Variants in SYT14 observed in about 807,000 individuals in gnomAD.
The protein encoded by SYT14 is synaptotagmin-14.
SYT14 carries 32 observed loss-of-function variants against 74.2 expected under a neutral mutation model. That is an observed-to-expected ratio of 0.43 (90% confidence interval 0.33 to 0.58). SYT14 has a LOEUF of 0.58. SYT14 is among the 20% of genes least tolerant of loss of function. The pLI, the probability that SYT14 is intolerant of heterozygous loss-of-function variation, is 0.05. For synonymous variants in SYT14, 298 were observed against 337.7 expected (o/e 0.88, Z 1.29); for missense variants, 791 against 981.8 (o/e 0.81, Z 2.60).
At position 210,067,115 on chromosome 1, in the gene SYT14, G is replaced by A. The variant is rs541649485; in HGVS notation, c.1313-27207G>A. On this transcript the variant is annotated intron_variant, in intron 5 of 9. Coordinates refer to ENST00000637265, the Ensembl canonical transcript of SYT14. ...CCTTATCAGTTGACCATACACATAT[G>A]GTTTTGTTTCTGGACTGTCAAGTAT... Among the ~76,000 whole-genome samples, 10 of 152,034 alleles carry A rather than the reference G, an allele frequency of 6.6e-5. No homozygotes were observed. The East Asian group carries it at 1.5e-3, about 24-fold the overall frequency.
chr1:210,044,968 T>C (rs227177), intron 5 of SYT14, among the ~76,000 whole-genome samples: 86,327 of 151,954 alleles, frequency 0.57, 26,608 homozygotes, highest in African/African-American at 0.82. Flanking sequence ...GGATCTGTCC[T>C]TATGATCCAG....
At chr1:210,016,189 A>G in exon 4 of SYT14, 1 of 1,232,150 alleles carries the variant, frequency 8.1e-7, no homozygotes, top group Non-Finnish European at 1.0e-6. Flanking sequence ...AAAGCTCTGT[A>G]GCAGAAGAAG....
intron 7 of SYT14, among the ~76,000 whole-genome samples, chr1:210,152,445 A>G (rs1409227942): frequency 6.6e-6 from 1 of 152,024 alleles, no homozygotes; most frequent in African/African-American, 2.4e-5. Flanking sequence ...TAATTCATGG[A>G]TTGGATCTCT....
At chr1:210,009,056 A>G (rs556057214) in intron 2 of SYT14, among the ~76,000 whole-genome samples, 2 of 152,340 alleles carry the variant, frequency 1.3e-5, no homozygotes, top group African/African-American at 4.8e-5. Context: ...TAAGATTTTA[A>G]CAAAGTTTAC....
intron 5 of SYT14, among the ~76,000 whole-genome samples, chr1:210,066,955 A>G (rs184343071): frequency 2.0e-5 from 3 of 152,148 alleles, no homozygotes; most frequent in African/African-American, 7.2e-5. Context: ...AAGCTCTTAT[A>G]TTTAGGTATT....
chr1:209,941,712 C>G (rs749490958), intron 1 of SYT14, among the ~76,000 whole-genome samples: 1 of 152,114 alleles, frequency 6.6e-6, no homozygotes, highest in Non-Finnish European at 1.5e-5. Context: ...TTCTCCTGTC[C>G]GACTGTAAAT....
At chr1:210,052,838 T>C (rs1455312184) in intron 5 of SYT14, among the ~76,000 whole-genome samples, 1 of 152,014 alleles carries the variant, frequency 6.6e-6, no homozygotes, top group Admixed American at 6.6e-5. Flanking sequence ...TAAAAAATAG[T>C]TCCATATACC....
chr1:210,037,353 T>C (rs1485560441), intron 5 of SYT14, among the ~76,000 whole-genome samples: 2 of 152,038 alleles, frequency 1.3e-5, no homozygotes, highest in African/African-American at 4.8e-5. Flanking sequence ...AGCCTATCAA[T>C]TTTGATTATC....
chr1:210,083,116 G>A (rs2081647882), intron 5 of SYT14, among the ~76,000 whole-genome samples: 1 of 130,600 alleles, frequency 7.7e-6, no homozygotes, highest in Admixed American at 7.2e-5. Flanking sequence ...AAGTAGTTGG[G>A]ATTGTAGGCA....
At chr1:209,942,516 C>T (rs901512551) in intron 1 of SYT14, among the ~76,000 whole-genome samples, 1 of 152,152 alleles carries the variant, frequency 6.6e-6, no homozygotes, top group Admixed American at 6.5e-5. Flanking sequence ...CAATTCAAAT[C>T]AATTTGTGCT....
At chr1:210,095,633 C>T (rs969292563) in intron 6 of SYT14, among the ~76,000 whole-genome samples, 3 of 152,062 alleles carry the variant, frequency 2.0e-5, no homozygotes, top group African/African-American at 7.2e-5. Context: ...TGTCCGTATT[C>T]TTACCAGATG....
chr1:210,082,245 A>G (rs928004733), intron 5 of SYT14, among the ~76,000 whole-genome samples: 4 of 152,222 alleles, frequency 2.6e-5, no homozygotes, highest in African/African-American at 9.6e-5. Context: ...GAGCCATTCT[A>G]GGTGACATCA....
At chr1:210,155,772 T>A in exon 8 of SYT14, 1 of 1,614,132 alleles carries the variant, frequency 6.2e-7, no homozygotes, top group Non-Finnish European at 8.5e-7. Flanking sequence ...TGAAAGTACA[T>A]CCTCATGTCA....
intron 5 of SYT14, among the ~76,000 whole-genome samples, chr1:210,065,017 T>G (rs1369117651): frequency 6.6e-6 from 1 of 152,112 alleles, no homozygotes; most frequent in Admixed American, 6.6e-5. Context: ...ATTTCCTTAA[T>G]GACTAATGGT....
chr1:209,951,431 C>T (rs551004575), intron 1 of SYT14, among the ~76,000 whole-genome samples: 2 of 152,132 alleles, frequency 1.3e-5, no homozygotes, highest in Non-Finnish European at 2.9e-5. Context: ...TAATGTCCTC[C>T]GGGTTCATCC....
At chr1:209,991,121 A>C (rs1317697600) in intron 2 of SYT14, among the ~76,000 whole-genome samples, 1 of 152,182 alleles carries the variant, frequency 6.6e-6, no homozygotes, top group Non-Finnish European at 1.5e-5. Flanking sequence ...CCACATACAA[A>C]AAATAACTCA....
intron 5 of SYT14, among the ~76,000 whole-genome samples, chr1:210,045,471 G>A (rs948747777): frequency 1.3e-5 from 2 of 151,910 alleles, no homozygotes. Context: ...TTGTTTTTGC[G>A]TTCAGATAAA....
At chr1:210,080,262 C>T (rs953231926) in intron 5 of SYT14, among the ~76,000 whole-genome samples, 2 of 152,158 alleles carry the variant, frequency 1.3e-5, no homozygotes, top group Non-Finnish European at 2.9e-5. Context: ...GTGAATAAAA[C>T]ACCCTCCAGT....
rs576105967 is a variant in SYT14 at position 210,135,928 on chromosome 1, T to C, written c.2035-19793T>C. The stretch of plus-strand genomic sequence containing the variant: ...TCAGAATGTGAATTATTCTCAGGCC[T>C]ATGTGAGTTGTGGGGATTGTTCTGC... On this transcript the variant is annotated intron_variant, in intron 7 of 9. Coordinates refer to ENST00000637265, the Ensembl canonical transcript of SYT14. Among the ~76,000 whole-genome samples, 5 of 152,336 alleles carry C rather than the reference T, an allele frequency of 3.3e-5. No homozygotes were observed. The East Asian group carries it at 9.6e-4, about 29-fold the overall frequency.
Sources: allele counts gnomAD v4.1 joint callset (sites outside exome capture counted in the v4.1 genomes callset), GRCh38; gene constraint gnomAD v4.1.1; transcripts MANE v1.5; gene names NCBI Gene and HGNC (gene_info 2026-07-23, HGNC 2026-07-21).